KLHL12: variants seen among roughly 807,000 people sequenced by gnomAD.
KLHL12 encodes the protein kelch-like protein 12.
In KLHL12, 17 loss-of-function variants were observed where a neutral mutation model predicts 60.8. The observed-to-expected ratio is 0.28, with a 90% CI of 0.19 to 0.42. KLHL12 has a LOEUF of 0.42. KLHL12 is among the 10% of genes least tolerant of loss of function. The probability of loss-of-function intolerance (pLI) is 1.00; values close to 1 mark genes in which losing one functional copy is unlikely to be tolerated. For missense variants in KLHL12, 468 were observed against 722.3 expected, an observed-to-expected ratio of 0.65 and a Z score of 4.04; for synonymous variants, 220 against 250.9, an observed-to-expected ratio of 0.88 and a Z score of 1.16.
At chr1:202,922,008 TC>T in intron 2 of KLHL12, among the ~76,000 whole-genome samples, 1 of 152,288 alleles carries the variant, frequency 6.6e-6, no homozygotes, top group East Asian at 1.9e-4. Context: ...ACAATTACTA[TC>T]CCAACACATT....
intron 3 of KLHL12, among the ~76,000 whole-genome samples, chr1:202,919,048 G>C (rs1660607395): frequency 6.6e-6 from 1 of 152,210 alleles, no homozygotes; most frequent in Non-Finnish European, 1.5e-5. Flanking sequence ...CCACGAGCTT[G>C]AGACCAGCCT....
intron 6 of KLHL12, among the ~76,000 whole-genome samples, chr1:202,898,947 T>C (rs1659922299): frequency 6.6e-6 from 1 of 151,022 alleles, no homozygotes; most frequent in Non-Finnish European, 1.5e-5. Flanking sequence ...GGCAGAATTT[T>C]TTTTCCTTAT....
intron 6 of KLHL12, among the ~76,000 whole-genome samples, chr1:202,901,838 C>A (rs1002839354): frequency 2.0e-5 from 3 of 152,154 alleles, no homozygotes; most frequent in African/African-American, 7.2e-5. Context: ...AATCTGAAGT[C>A]TTTATTTAGC....
chr1:202,915,837 G>T (rs1660506602), intron 4 of KLHL12, among the ~76,000 whole-genome samples: 1 of 152,210 alleles, frequency 6.6e-6, no homozygotes, highest in Admixed American at 6.5e-5. Flanking sequence ...CCACTAGAAT[G>T]GAAGCTCCAG....
At position 202,894,649 on chromosome 1, in the gene KLHL12, C is replaced by A. The variant is rs777524779; in HGVS notation, c.1236G>T (p.Met412Ile). The A allele has an allele frequency of 6.2e-7, 1 of 1,614,160 alleles. No individual in the cohort carries two copies. The highest frequency in any genetic ancestry group is 8.5e-7 in the Non-Finnish European group (1 of 1,180,010). ...NIDQWSMLGD[M>I]QTAREGAGLV... ...GTCCGGCACCTTCCCGGGCTGTCTGCATATCTCCCAGCATGCTCCACTGGT... is the reference window on the plus strand; with the variant it reads ...GTCCGGCACCTTCCCGGGCTGTCTGAATATCTCCCAGCATGCTCCACTGGT... Residue 412 changes from methionine (M) to isoleucine (I), a missense_variant, in exon 9 of 12, where the codon ATG (methionine) becomes ATT (isoleucine). Physicochemically the swap from Met to Ile is conservative, Grantham distance 10. Transcript: ENST00000367261.
In KLHL12 at chr1:202,891,886, C is replaced by A. The variant is rs1346409332; in HGVS notation, c.*647G>T. 1 of 152,194 alleles carries A rather than the reference C, an allele frequency of 6.6e-6. No homozygotes were observed. Among genetic ancestry groups the A allele is most frequent in the Non-Finnish European group, 1.5e-5 (1 of 68,048 alleles). The allele number at this position is 152,194 out of a possible 1,614,324, so 9.4% of individuals were successfully genotyped here. A position where few individuals can be genotyped will look rare whatever the true frequency, so the allele number is the denominator to read the frequency against. ...ACTTCAGTGCTGTTCTAGGTTCACTCACAATCAAATTCAGTTTAATTCACT... is the reference window on the plus strand; with the variant it reads ...ACTTCAGTGCTGTTCTAGGTTCACTAACAATCAAATTCAGTTTAATTCACT... On this transcript the variant is annotated 3_prime_UTR_variant, in exon 12 of 12. Coordinates refer to ENST00000367261, the MANE Select transcript of KLHL12 (RefSeq NM_021633.4).
chr1:202,908,299 C>T (rs186909056), intron 6 of KLHL12, among the ~76,000 whole-genome samples: 184 of 152,284 alleles, frequency 1.2e-3, no homozygotes, highest in Middle Eastern at 3.4e-3. Context: ...CCTTGCCCAA[C>T]CAGTCATTGC....
chr1:202,916,838 G>A (rs567005990), intron 4 of KLHL12, among the ~76,000 whole-genome samples: 5 of 151,928 alleles, frequency 3.3e-5, no homozygotes, highest in South Asian at 2.1e-4. Flanking sequence ...AAATTAGCCC[G>A]GTGTGGTGAT....
intron 2 of KLHL12, among the ~76,000 whole-genome samples, chr1:202,924,069 T>C (rs1653381639): frequency 1.3e-5 from 2 of 152,202 alleles, no homozygotes; most frequent in Non-Finnish European, 2.9e-5. Context: ...AAAACAAAGA[T>C]TTGCAATGTT....
At chr1:202,919,505 AT>A (rs965867634) in intron 3 of KLHL12, among the ~76,000 whole-genome samples, 10 of 148,842 alleles carry the variant, frequency 6.7e-5, no homozygotes, top group South Asian at 2.1e-4. Flanking sequence ...TCCTTCCTCC[AT>A]TTTTTTTTTA....
At chr1:202,905,653 C>T (rs1319044812) in intron 6 of KLHL12, among the ~76,000 whole-genome samples, 1 of 152,180 alleles carries the variant, frequency 6.6e-6, no homozygotes, top group African/African-American at 2.4e-5. Context: ...GTAATATCTG[C>T]ATTATTTCTT....
chr1:202,899,822 CAAAAAAAAAAA>C (rs10612618), intron 6 of KLHL12, among the ~76,000 whole-genome samples: 2 of 143,030 alleles, frequency 1.4e-5, no homozygotes, highest in Non-Finnish European at 1.5e-5. Context: ...GACTCCATCT[CAAAAAAAAAAA>C]AAAAAAATAA....
At position 202,927,121 on chromosome 1, in the gene KLHL12, C is replaced by A. The variant is rs1233096577; in HGVS notation, c.-78G>T. On this transcript the variant is annotated 5_prime_UTR_variant, in exon 1 of 12. Transcript: ENST00000367261. The stretch of plus-strand genomic sequence containing the variant: ...CCCGAACCCACACAGCCGCACCGGG[C>A]CCGTCCCCAGCCTGTGGGGATGGAG... The A allele has an allele frequency of 5.1e-6, 5 of 985,376 alleles. No homozygotes were observed. Among genetic ancestry groups the A allele is most frequent in the Non-Finnish European group, 6.0e-6 (5 of 830,040 alleles). 61.0% of individuals were successfully genotyped at this position (985,376 alleles called of 1,614,324 possible).
intron 2 of KLHL12, among the ~76,000 whole-genome samples, chr1:202,923,944 T>C (rs1294739633): frequency 6.6e-6 from 1 of 152,160 alleles, no homozygotes; most frequent in Non-Finnish European, 1.5e-5. Flanking sequence ...ATTTCAGGCA[T>C]ACATGTAAGT....
At chr1:202,926,921 G>A (rs910376876) in intron 1 of KLHL12, among the ~76,000 whole-genome samples, 168 bp downstream of exon 1, 9 of 152,208 alleles carry the variant, frequency 5.9e-5, no homozygotes, top group Non-Finnish European at 7.4e-5. Flanking sequence ...GGAGAGTTGA[G>A]AGGGTGACCG....
upstream of KLHL12, among the ~76,000 whole-genome samples, chr1:202,927,559 T>C (rs1653653651): frequency 7.5e-6 from 1 of 133,198 alleles, no homozygotes; most frequent in Non-Finnish European, 1.6e-5. Flanking sequence ...GCACCGCGCC[T>C]GTAGTCCCAG....
intron 4 of KLHL12, among the ~76,000 whole-genome samples, chr1:202,914,605 C>T (rs1422419702): frequency 2.0e-5 from 3 of 152,044 alleles, no homozygotes; most frequent in African/African-American, 4.8e-5. Context: ...TGGTGGCTCA[C>T]GCCTGTAATC....
At chr1:202,925,510 G>C (rs758824454) in intron 1 of KLHL12, among the ~76,000 whole-genome samples, 1 of 152,092 alleles carries the variant, frequency 6.6e-6, no homozygotes, top group African/African-American at 2.4e-5. Flanking sequence ...TCTTGACAAG[G>C]TTCTTGTCTC....
chr1:202,917,062 C>T (rs1231200467), intron 4 of KLHL12, among the ~76,000 whole-genome samples: 1 of 152,266 alleles, frequency 6.6e-6, no homozygotes, highest in Non-Finnish European at 1.5e-5. Flanking sequence ...GGACTTCTCA[C>T]TCCAATTCTC....
Sources: allele counts gnomAD v4.1 joint callset (sites outside exome capture counted in the v4.1 genomes callset), GRCh38; gene constraint gnomAD v4.1.1; transcripts MANE v1.5; gene names NCBI Gene and HGNC (gene_info 2026-07-23, HGNC 2026-07-21).